DGKB: variants seen among roughly 807,000 people sequenced by gnomAD.
DGKB encodes 90 kDa diacylglycerol kinase.
A neutral mutation model predicts 114.3 loss-of-function variants in DGKB; 67 were observed. That is an observed-to-expected ratio of 0.59 (90% CI 0.48 to 0.72). The LOEUF is 0.72. DGKB is among the 30% of genes least tolerant of loss of function. The probability of loss-of-function intolerance (pLI) is 0.00; values close to 1 mark genes in which losing one functional copy is unlikely to be tolerated. For synonymous variants in DGKB, 398 were observed against 323.1 expected (o/e 1.23, Z -2.49); for missense variants, 907 against 975.2 (o/e 0.93, Z 0.93).
At chr7:14,172,366 G>C (rs532515440) in intron 25 of DGKB, among the ~76,000 whole-genome samples, 29 of 152,230 alleles carry the variant, frequency 1.9e-4, no homozygotes, top group Admixed American at 1.3e-3. Flanking sequence ...TTGAGATGGG[G>C]AAATATTGAT....
At chr7:14,673,791 T>C (rs931142049) in intron 12 of DGKB, among the ~76,000 whole-genome samples, 7 of 152,108 alleles carry the variant, frequency 4.6e-5, no homozygotes, top group African/African-American at 1.4e-4. Flanking sequence ...ACAGATTTGG[T>C]AAAATAATAC....
chr7:14,230,502 T>C (rs962753686), intron 23 of DGKB, among the ~76,000 whole-genome samples: 9 of 143,438 alleles, frequency 6.3e-5, no homozygotes, highest in African/African-American at 1.8e-4. Context: ...TCAAAAATAC[T>C]CCACAAATTA....
intron 21 of DGKB, among the ~76,000 whole-genome samples, chr7:14,388,862 C>T (rs2128702646): frequency 6.6e-6 from 1 of 152,164 alleles, no homozygotes; most frequent in East Asian, 1.9e-4. Flanking sequence ...TGTTGAACTC[C>T]TTCTCTCTCT....
chr7:14,676,421 G>T (rs115082965), intron 12 of DGKB, among the ~76,000 whole-genome samples: 3,318 of 152,134 alleles, frequency 0.022, 111 homozygotes, highest in African/African-American at 0.076. Flanking sequence ...ACAACTAAAA[G>T]AAGGTAATTG....
intron 23 of DGKB, among the ~76,000 whole-genome samples, chr7:14,258,507 C>T (rs894624412): frequency 3.9e-5 from 6 of 152,124 alleles, no homozygotes; most frequent in Non-Finnish European, 8.8e-5. Context: ...ATATTCTCTG[C>T]CACTTTGTCC....
chr7:14,620,322 TA>T (rs1426024886), intron 15 of DGKB, among the ~76,000 whole-genome samples: 1 of 151,282 alleles, frequency 6.6e-6, no homozygotes, highest in Non-Finnish European at 1.5e-5. Flanking sequence ...AAACAAACAG[TA>T]ACTTAGTTAT....
intron 13 of DGKB, among the ~76,000 whole-genome samples, chr7:14,660,901 A>T (rs1816924505): frequency 6.6e-6 from 1 of 151,862 alleles, no homozygotes; most frequent in Non-Finnish European, 1.5e-5. Flanking sequence ...ATAATGCCAC[A>T]TATCTACAAC....
chr7:14,746,204 T>C (rs796723415), intron 4 of DGKB, among the ~76,000 whole-genome samples: 29 of 152,268 alleles, frequency 1.9e-4, no homozygotes, highest in African/African-American at 7.0e-4. Flanking sequence ...CATGGTGGCA[T>C]GTGCCTATTG....
At chr7:14,603,166 T>A (rs1310460667) in intron 17 of DGKB, among the ~76,000 whole-genome samples, 3 of 152,146 alleles carry the variant, frequency 2.0e-5, no homozygotes, top group Non-Finnish European at 4.4e-5. Context: ...CATGAATCAA[T>A]TTTCATACTC....
intron 20 of DGKB, among the ~76,000 whole-genome samples, chr7:14,527,267 C>G (rs1044495095): frequency 6.6e-6 from 1 of 152,062 alleles, no homozygotes; most frequent in Admixed American, 6.6e-5. Context: ...TTATTGGAAA[C>G]AGTTCATGGG....
At chr7:14,447,259 G>T (rs1584007457) in intron 21 of DGKB, among the ~76,000 whole-genome samples, 1 of 152,034 alleles carries the variant, frequency 6.6e-6, no homozygotes, top group Admixed American at 6.6e-5. Context: ...GCCCTCTTTT[G>T]GGGCCCCTCT....
At chr7:14,379,167 G>C (rs1456855086) in intron 21 of DGKB, among the ~76,000 whole-genome samples, 1 of 150,660 alleles carries the variant, frequency 6.6e-6, no homozygotes, top group African/African-American at 2.4e-5. Context: ...TTTGTTATTT[G>C]TAAATGGAAT....
At chr7:14,589,296 A>G (rs534882635) in intron 17 of DGKB, among the ~76,000 whole-genome samples, 18 of 151,930 alleles carry the variant, frequency 1.2e-4, no homozygotes, top group Non-Finnish European at 2.7e-4. Context: ...TTGTGGATAC[A>G]TTTGGATTTC....
intron 1 of DGKB, among the ~76,000 whole-genome samples, chr7:14,856,312 C>G (rs1029500192): frequency 6.6e-6 from 1 of 152,028 alleles, no homozygotes; most frequent in Non-Finnish European, 1.5e-5. Flanking sequence ...AAATAAGATT[C>G]TCATTGAAAT....
At chr7:14,778,994 A>G (rs1432279192) in intron 2 of DGKB, among the ~76,000 whole-genome samples, 5 of 152,116 alleles carry the variant, frequency 3.3e-5, no homozygotes, top group African/African-American at 1.2e-4. Context: ...CACCTCTACT[A>G]AAACTACACA....
At chr7:14,468,003 G>C (rs1780724215) in intron 21 of DGKB, among the ~76,000 whole-genome samples, 1 of 151,994 alleles carries the variant, frequency 6.6e-6, no homozygotes, top group Non-Finnish European at 1.5e-5. Context: ...TTGCCACCAA[G>C]AATCAATTGA....
At chr7:14,520,208 C>CTTTTTTTTTTT (rs1319688779) in intron 20 of DGKB, among the ~76,000 whole-genome samples, 3 of 89,262 alleles carry the variant, frequency 3.4e-5, no homozygotes, top group Non-Finnish European at 7.3e-5. Flanking sequence ...ATCTTTTTTC[C>CTTTTTTTTTTT]TATTTTTTTT....
chr7:14,165,006 A>C (rs913735600), intron 25 of DGKB, among the ~76,000 whole-genome samples: 11 of 152,298 alleles, frequency 7.2e-5, no homozygotes, highest in African/African-American at 2.6e-4. Flanking sequence ...TCCAAAGTCC[A>C]GAAGTCACTA....
intron 21 of DGKB, among the ~76,000 whole-genome samples, chr7:14,371,387 T>C (rs896095352): frequency 2.0e-5 from 3 of 152,194 alleles, no homozygotes; most frequent in African/African-American, 7.2e-5. Context: ...AAATAGTATC[T>C]CACTGTGGTT....
Sources: allele counts gnomAD v4.1 joint callset (sites outside exome capture counted in the v4.1 genomes callset), GRCh38; gene constraint gnomAD v4.1.1; transcripts MANE v1.5; gene names NCBI Gene and HGNC (gene_info 2026-07-23, HGNC 2026-07-21).